Variants in PLAC1 observed in about 807,000 individuals in gnomAD.
The protein encoded by PLAC1 is placenta associated 1.
For missense variants in PLAC1, 136 were observed against 163.2 expected (o/e 0.83, Z 0.91); for synonymous variants, 68 against 62.1 (o/e 1.09, Z -0.44).
At position 134,719,840 on chromosome X, in the gene PLAC1, A is replaced by C. The variant is rs1320121604; in HGVS notation, n.174+13595T>G. ...AAACACTCAATAAACAAGAACTAGA[A>C]AGTAACTTTTAATCTGGTAAAGAAC... On this transcript the variant is annotated intron_variant and non_coding_transcript_variant, in intron 2 of 2. Coordinates refer to the PLAC1 transcript ENST00000466797. 5.4e-5 allele frequency among the ~76,000 whole-genome samples: 6 copies of C among 111,484 alleles called. No homozygotes were observed. In the Admixed American group the frequency reaches 5.7e-4, roughly 11 times the overall value.
chrX:134,758,486 A>G (rs1005040499), intron 1 of PLAC1, among the ~76,000 whole-genome samples: 2 of 112,197 alleles, frequency 1.8e-5, no homozygotes, highest in Non-Finnish European at 3.8e-5. Flanking sequence ...GAACTCAGAA[A>G]TAAAGCCACA....
intron 2 of PLAC1, among the ~76,000 whole-genome samples, chrX:134,688,632 T>C (rs890946992): frequency 8.9e-6 from 1 of 112,307 alleles, no homozygotes; most frequent in African/African-American, 3.2e-5. Context: ...TCCCCACCCT[T>C]TCCTTGATGT....
chrX:134,738,560 T>C, intron 1 of PLAC1, among the ~76,000 whole-genome samples: 1 of 112,100 alleles, frequency 8.9e-6, no homozygotes, highest in Middle Eastern at 4.6e-3. Context: ...GAATTGCTTC[T>C]GCTCTCTTCC....
At chrX:134,686,560 C>G (rs1443103137) in intron 2 of PLAC1, among the ~76,000 whole-genome samples, 2 of 112,037 alleles carry the variant, frequency 1.8e-5, no homozygotes, top group Admixed American at 1.9e-4. Context: ...CCTTGAAACC[C>G]AGTCCTGCTT....
chrX:134,621,937 C>A (rs2078213002), intron 1 of PLAC1, among the ~76,000 whole-genome samples: 1 of 111,733 alleles, frequency 8.9e-6, no homozygotes, highest in South Asian at 3.8e-4. Context: ...GAGATGGAAG[C>A]CAGCCCACAA....
intron 1 of PLAC1, among the ~76,000 whole-genome samples, chrX:134,750,601 T>A (rs1392309438): frequency 9.5e-6 from 1 of 104,795 alleles, no homozygotes; most frequent in Admixed American, 1.1e-4. Context: ...ACATTTATTT[T>A]CTCCTTATAG....
chrX:134,638,042 G>A (rs1305282165), intron 1 of PLAC1, among the ~76,000 whole-genome samples: 2 of 111,914 alleles, frequency 1.8e-5, no homozygotes, highest in African/African-American at 6.5e-5. Context: ...CTACTGGAGG[G>A]GAATCCTTTG....
At chrX:134,760,548 A>G (rs1197870269) in intron 1 of PLAC1, among the ~76,000 whole-genome samples, 1 of 111,235 alleles carries the variant, frequency 9.0e-6, no homozygotes, top group Non-Finnish European at 1.9e-5. Flanking sequence ...GTTTCCTTCA[A>G]TAGGGGGCTG....
intron 2 of PLAC1, among the ~76,000 whole-genome samples, chrX:134,712,425 C>A (rs989655359): frequency 9.0e-6 from 1 of 111,268 alleles, no homozygotes; most frequent in Non-Finnish European, 1.9e-5. Flanking sequence ...TGGAAGCTAC[C>A]TCTTGGGTCA....
intron 1 of PLAC1, among the ~76,000 whole-genome samples, chrX:134,627,938 C>A (rs1241888187): frequency 9.0e-6 from 1 of 111,610 alleles, no homozygotes; most frequent in Non-Finnish European, 1.9e-5. Context: ...CACTGACTAG[C>A]TGTCTGACTT....
intron 1 of PLAC1, among the ~76,000 whole-genome samples, chrX:134,649,493 A>G (rs942717779): frequency 1.8e-5 from 2 of 110,424 alleles, no homozygotes; most frequent in Non-Finnish European, 3.8e-5. Context: ...CATTTACACC[A>G]TGGAAATCAG....
At chrX:134,581,021 A>G (rs1602795852) in intron 2 of PLAC1, among the ~76,000 whole-genome samples, 1 of 111,995 alleles carries the variant, frequency 8.9e-6, no homozygotes, top group South Asian at 3.8e-4. Context: ...CAACTCTTGC[A>G]TTTGTTATGG....
upstream of PLAC1, among the ~76,000 whole-genome samples, chrX:134,662,522 C>T (rs1389234253): frequency 8.9e-6 from 1 of 112,255 alleles, no homozygotes; most frequent in East Asian, 2.8e-4. Context: ...TGTTGATTGT[C>T]TTGACCAAGA....
intron 1 of PLAC1, among the ~76,000 whole-genome samples, chrX:134,741,703 A>G (rs1029201409): frequency 9.7e-4 from 70 of 72,257 alleles, no homozygotes; most frequent in African/African-American, 5.7e-3. Context: ...TCTGTCTTGG[A>G]AAAAAAAAAA....
At chrX:134,704,066 A>G (rs1198134343) in intron 2 of PLAC1, among the ~76,000 whole-genome samples, 1 of 105,541 alleles carries the variant, frequency 9.5e-6, no homozygotes, top group African/African-American at 3.4e-5. Flanking sequence ...GGGTGTATGT[A>G]AAATTTTAAA....
chrX:134,611,851 C>T (rs2078155345), intron 1 of PLAC1, among the ~76,000 whole-genome samples: 1 of 111,198 alleles, frequency 9.0e-6, no homozygotes, highest in African/African-American at 3.3e-5. Context: ...CACACTTGAA[C>T]CCCTGGGCTT....
chrX:134,570,019 A>G (rs768309239), intron 2 of PLAC1, among the ~76,000 whole-genome samples: 18 of 110,338 alleles, frequency 1.6e-4, no homozygotes, highest in African/African-American at 6.0e-4. Context: ...TAGTAGAGAT[A>G]GGGTTTCACC....
At chrX:134,608,205 G>T (rs967778720) in intron 1 of PLAC1, among the ~76,000 whole-genome samples, 1 of 111,683 alleles carries the variant, frequency 9.0e-6, no homozygotes, top group African/African-American at 3.3e-5. Context: ...TTGGAAATAG[G>T]TGTTCAAACA....
intron 1 of PLAC1, among the ~76,000 whole-genome samples, chrX:134,638,969 C>T (rs1207275254): frequency 1.8e-5 from 2 of 111,551 alleles, no homozygotes; most frequent in African/African-American, 6.5e-5. Context: ...CCAGTGTCTG[C>T]TGTTCCCTTC....
Sources: allele counts gnomAD v4.1 joint callset (sites outside exome capture counted in the v4.1 genomes callset), GRCh38; gene constraint gnomAD v4.1.1; transcripts MANE v1.5; gene names NCBI Gene and HGNC (gene_info 2026-07-23, HGNC 2026-07-21).